The following TMEM178B variants were observed in gnomAD, a reference collection of about 807,000 sequenced individuals.
TMEM178B encodes the protein transmembrane protein 178B.
In TMEM178B, 5 loss-of-function variants were observed where a neutral mutation model predicts 31.0. The ratio of observed to expected loss-of-function variants is 0.16; its 90% CI spans 0.08 to 0.34. The LOEUF (loss-of-function observed/expected upper bound fraction) is 0.34, where lower values mean the gene tolerates loss of function less well. Ranked by LOEUF, TMEM178B falls within the 10% of genes least tolerant of loss-of-function variation. The pLI is 1.00. For synonymous variants in TMEM178B, 164 were observed against 164.0 expected (o/e 1.00, Z 0.00); for missense variants, 275 against 400.3 (o/e 0.69, Z 2.67).
chr7:141,443,201 A>G (rs561349921), intron 3 of TMEM178B, among the ~76,000 whole-genome samples: 1 of 152,348 alleles, frequency 6.6e-6, no homozygotes, highest in Admixed American at 6.5e-5. Context: ...ATCCTCTGCC[A>G]CTGTATCCAG....
chr7:141,231,764 T>C (rs759795343), intron 2 of TMEM178B, among the ~76,000 whole-genome samples: 1 of 152,256 alleles, frequency 6.6e-6, no homozygotes, highest in Non-Finnish European at 1.5e-5. Flanking sequence ...TGATCTAGCC[T>C]AGGCAGCATT....
intron 2 of TMEM178B, among the ~76,000 whole-genome samples, chr7:141,301,344 A>G (rs1237473863): frequency 1.3e-5 from 2 of 152,190 alleles, no homozygotes; most frequent in Non-Finnish European, 2.9e-5. Flanking sequence ...TAAAGTTGAA[A>G]CTGGTTCTTT....
chr7:141,313,069 G>C (rs1430621355), intron 2 of TMEM178B, among the ~76,000 whole-genome samples: 1 of 152,118 alleles, frequency 6.6e-6, no homozygotes, highest in Non-Finnish European at 1.5e-5. Flanking sequence ...GAGTTGCTCT[G>C]GTTCAAATGC....
chr7:141,155,247 G>C (rs34136604), intron 1 of TMEM178B, among the ~76,000 whole-genome samples: 1 of 152,168 alleles, frequency 6.6e-6, no homozygotes, highest in Admixed American at 6.5e-5. Flanking sequence ...GATCACATTA[G>C]GCACATGTGA....
At chr7:141,441,837 G>A (rs536405522) in intron 3 of TMEM178B, among the ~76,000 whole-genome samples, 2 of 152,164 alleles carry the variant, frequency 1.3e-5, no homozygotes, top group African/African-American at 4.8e-5. Context: ...TCAAAGTAGG[G>A]GCACCCTGCA....
chr7:141,459,837 G>A (rs1462180879), intron 3 of TMEM178B, among the ~76,000 whole-genome samples: 1 of 151,848 alleles, frequency 6.6e-6, no homozygotes, highest in African/African-American at 2.4e-5. Context: ...AGTCTTCCAG[G>A]GCCACTGATC....
chr7:141,501,953 T>C, the TMEM178B span, among the ~76,000 whole-genome samples: 1 of 152,192 alleles, frequency 6.6e-6, no homozygotes, highest in Non-Finnish European at 1.5e-5. Context: ...TCCACTCCTA[T>C]ACTCAAGGAA....
rs546421509 is a variant in TMEM178B, at chr7:141,248,359, C to T, written c.496+35655C>T. ...CTGGGAGGCGGAGGTTGTAGTGAGC[C>T]GAGATTGCGCCACTGCACTCCAGCC... On this transcript the variant is annotated intron_variant, in intron 2 of 3. Transcript: ENST00000565468. Among the ~76,000 whole-genome samples the T allele has an allele frequency of 5.6e-4, 85 of 152,196 alleles. 1 individual carries two copies. The South Asian group carries it at 0.017, about 31-fold the overall frequency.
At chr7:141,387,672 T>A (rs1275247459) in intron 2 of TMEM178B, among the ~76,000 whole-genome samples, 1 of 152,214 alleles carries the variant, frequency 6.6e-6, no homozygotes, top group African/African-American at 2.4e-5. Flanking sequence ...TTCTCGTATC[T>A]GCGCACCCCC....
chr7:141,386,278 A>G lies in TMEM178B; in HGVS notation c.497-51330A>G, dbSNP rs1248230343. On this transcript the variant is annotated intron_variant, in intron 2 of 3. Transcript: ENST00000565468. ...AGAATGCCTCCACTGGTGCCATTCT[A>G]TACAAAGGGTTGTTTGGGGACCTTG... Among the ~76,000 whole-genome samples the G allele has an allele frequency of 3.9e-5, 6 of 152,296 alleles. No homozygotes were observed. In the East Asian group the frequency reaches 1.2e-3, roughly 29 times the overall value.
At chr7:141,129,513 A>G (rs567424813) in intron 1 of TMEM178B, among the ~76,000 whole-genome samples, 10 of 152,342 alleles carry the variant, frequency 6.6e-5, no homozygotes, top group Admixed American at 3.3e-4. Context: ...ACTCAAGAGC[A>G]TTCCCTTGTG....
At position 141,074,237 on chromosome 7, in the gene TMEM178B, C is replaced by G. The variant is rs1794556817; in HGVS notation, c.-74C>G. 3 of 1,442,654 alleles carry G rather than the reference C, an allele frequency of 2.1e-6. No homozygotes were observed. The highest frequency in any genetic ancestry group is 5.0e-5 in the East Asian group (2 of 39,856). 89.4% of individuals were successfully genotyped at this position (1,442,654 alleles called of 1,614,324 possible). A position where few individuals can be genotyped will look rare whatever the true frequency, so the allele number is the denominator to read the frequency against. Reference sequence around the variant, plus strand: ...CCTCCCCCAGCTCGGCCGCCCGCCGCTTTGTTCCGGGTGCGGCGAGGGAAG... The same window carrying G: ...CCTCCCCCAGCTCGGCCGCCCGCCGGTTTGTTCCGGGTGCGGCGAGGGAAG... On this transcript the variant is annotated 5_prime_UTR_variant, in exon 1 of 4. Transcript: ENST00000565468. This position sits in a 1 kb window ranked among gnomAD's most constrained non-coding sequence, Gnocchi z 5.1.
chr7:141,322,733 C>A (rs1799122764), intron 2 of TMEM178B, among the ~76,000 whole-genome samples: 1 of 152,128 alleles, frequency 6.6e-6, no homozygotes, highest in African/African-American at 2.4e-5. Context: ...CTGCCTGGAA[C>A]ATGGCCTTCG....
At chr7:141,102,047 G>A (rs1008833098) in intron 1 of TMEM178B, among the ~76,000 whole-genome samples, 3 of 151,966 alleles carry the variant, frequency 2.0e-5, no homozygotes, top group Non-Finnish European at 2.9e-5. Flanking sequence ...CGAAAAACAG[G>A]GAGGCCTGTT....
chr7:141,265,878 G>A (rs1353824125), intron 2 of TMEM178B, among the ~76,000 whole-genome samples: 2 of 152,236 alleles, frequency 1.3e-5, no homozygotes, highest in Admixed American at 1.3e-4. Context: ...TTGGTTATTT[G>A]GAGAGGCATT....
At chr7:141,347,134 A>C (rs989537589) in intron 2 of TMEM178B, among the ~76,000 whole-genome samples, 1 of 152,194 alleles carries the variant, frequency 6.6e-6, no homozygotes, top group Admixed American at 6.5e-5. Flanking sequence ...AAGTCTGCAG[A>C]ACTGTGAGTC....
At chr7:141,378,095 T>C (rs1051020275) in intron 2 of TMEM178B, among the ~76,000 whole-genome samples, 1 of 152,222 alleles carries the variant, frequency 6.6e-6, no homozygotes, top group Non-Finnish European at 1.5e-5. Flanking sequence ...CTTTCCTTAT[T>C]TTTCATGACC....
rs773658099 is a variant in TMEM178B, at chr7:141,318,332, G to A, written c.496+105628G>A. Among the ~76,000 whole-genome samples the A allele has an allele frequency of 3.9e-5, 6 of 152,214 alleles. No homozygotes were observed. Among genetic ancestry groups the A allele is most frequent in the Non-Finnish European group, 8.8e-5 (6 of 68,042 alleles). ...CCATTTTGAGAGTGGGAATGGGGCT[G>A]CGAAATCAATAATTGGGTGTTTTAA... On this transcript the variant is annotated intron_variant, in intron 2 of 3. Transcript: ENST00000565468. This position sits in a 1 kb window ranked among gnomAD's most constrained non-coding sequence, Gnocchi z 4.1.
intron 1 of TMEM178B, among the ~76,000 whole-genome samples, chr7:141,117,411 CT>C (rs766579335): frequency 5.3e-5 from 8 of 152,034 alleles, no homozygotes; most frequent in Non-Finnish European, 1.0e-4. Flanking sequence ...GATATTAGCC[CT>C]TTGTCAGGTT....
Sources: gnomAD v4.1 joint callset for allele counts (sites outside exome capture counted in the v4.1 genomes callset) on GRCh38, gnomAD v4.1.1 for gene constraint, Gnocchi (gnomAD v3.1) non-coding constraint, MANE v1.5 for transcripts, NCBI Gene and HGNC (gene_info 2026-07-23, HGNC 2026-07-21) for gene names.